ALK: variants seen among roughly 807,000 people sequenced by gnomAD.
The protein encoded by ALK is ALK tyrosine kinase receptor.
A neutral mutation model predicts 163.1 loss-of-function variants in ALK; 74 were observed. That is an observed-to-expected ratio of 0.45 (90% CI 0.38 to 0.55). ALK has a LOEUF of 0.55. ALK is among the 20% of genes least tolerant of loss of function. The pLI is 0.00. For missense variants in ALK, 2,063 were observed against 2,105.3 expected (o/e 0.98, Z 0.39); for synonymous variants, 960 against 843.2 (o/e 1.14, Z -2.40).
intron 11 of ALK, among the ~76,000 whole-genome samples, chr2:29,269,616 C>T (rs562532967): frequency 2.6e-5 from 4 of 152,178 alleles, no homozygotes; most frequent in South Asian, 4.2e-4. Flanking sequence ...GTACTTCCTG[C>T]GTCATCACTA....
At chr2:29,606,031 C>T (rs1416612018) in intron 3 of ALK, among the ~76,000 whole-genome samples, 1 of 152,180 alleles carries the variant, frequency 6.6e-6, no homozygotes. Flanking sequence ...CACCTCCCAC[C>T]CCCACTGCCA....
At chr2:29,457,477 T>G (rs1670983962) in intron 4 of ALK, among the ~76,000 whole-genome samples, 1 of 152,144 alleles carries the variant, frequency 6.6e-6, no homozygotes, top group Admixed American at 6.5e-5. Flanking sequence ...ATGGCCTCTG[T>G]GTATGGACAG....
At chr2:29,253,466 T>C (rs1263611562) in intron 11 of ALK, among the ~76,000 whole-genome samples, 1 of 152,158 alleles carries the variant, frequency 6.6e-6, no homozygotes, top group African/African-American at 2.4e-5. Context: ...ATTTCGCTGC[T>C]AAGTCCCAAA....
chr2:29,821,472 T>C (rs554787689), intron 1 of ALK, among the ~76,000 whole-genome samples: 1 of 152,100 alleles, frequency 6.6e-6, no homozygotes, highest in African/African-American at 2.4e-5. Flanking sequence ...GCACCTGAAT[T>C]TGAGGGCCAA....
intron 1 of ALK, among the ~76,000 whole-genome samples, chr2:29,778,766 T>C (rs1433661251): frequency 6.6e-6 from 1 of 152,038 alleles, no homozygotes; most frequent in African/African-American, 2.4e-5. Context: ...TCCACTCTTA[T>C]AAGGAAAGGG....
chr2:29,919,883 G>A, intron 1 of ALK, 110 bp downstream of exon 1: 2 of 1,340,542 alleles, frequency 1.5e-6, no homozygotes, highest in Non-Finnish European at 2.1e-6. Context: ...GGGCGATGAA[G>A]CAGAGCTGAG....
At chr2:29,487,535 C>T (rs1671805100) in intron 4 of ALK, among the ~76,000 whole-genome samples, 1 of 152,138 alleles carries the variant, frequency 6.6e-6, no homozygotes, top group Admixed American at 6.5e-5. Context: ...GGGGTAGTAC[C>T]CAAAGCATCA....
chr2:29,385,564 A>AT lies in ALK; in HGVS notation c.1155-1706dup, dbSNP rs1367214708. 1.1e-4 allele frequency among the ~76,000 whole-genome samples: 17 copies of AT among 151,708 alleles called. No homozygotes were observed. The East Asian group carries it at 2.1e-3, about 19-fold the overall frequency. On this transcript the variant is annotated intron_variant, in intron 4 of 28. Transcript: ENST00000389048. ...GCCACCACACCTGGATAATTTTTGC[A>AT]TTTTTTTGCAGAGACAGGGTCTCAC... is the stretch of plus-strand genomic sequence containing the variant.
intron 3 of ALK, among the ~76,000 whole-genome samples, chr2:29,591,167 G>C (rs953088926): frequency 1.4e-5 from 2 of 147,744 alleles, no homozygotes; most frequent in Non-Finnish European, 3.0e-5. Context: ...GCTTCAGCAA[G>C]AATCATGGAA....
chr2:29,241,443 C>G (rs1437805611), intron 12 of ALK, among the ~76,000 whole-genome samples: 1 of 151,950 alleles, frequency 6.6e-6, no homozygotes, highest in East Asian at 1.9e-4. Context: ...CTGCAAATCT[C>G]TGGCCAAAAT....
intron 11 of ALK, among the ~76,000 whole-genome samples, chr2:29,257,524 A>T (rs1032707332): frequency 6.6e-6 from 1 of 152,240 alleles, no homozygotes; most frequent in African/African-American, 2.4e-5. Flanking sequence ...ACTGTTGCTA[A>T]ACAATCTCAT....
rs139816190 is a variant in ALK at position 29,883,202 on chromosome 2, G to T, written c.667+36791C>A. The stretch of plus-strand genomic sequence containing the variant: ...AAAAGAAAAGAAGTACAGCATTAAA[G>T]AATCCCTTACTTCCCTGTTAGGCAG... On this transcript the variant is annotated intron_variant, in intron 1 of 28. Transcript: ENST00000389048. 5.0e-3 allele frequency among the ~76,000 whole-genome samples: 757 copies of T among 152,266 alleles called. 9 individuals carry two copies. Among genetic ancestry groups the T allele is most frequent in the African/African-American group, 0.017 (724 of 41,556 alleles).
At chr2:29,348,909 C>T (rs537704925) in intron 5 of ALK, among the ~76,000 whole-genome samples, 37 of 152,350 alleles carry the variant, frequency 2.4e-4, no homozygotes, top group African/African-American at 7.0e-4. Flanking sequence ...TCTGACGACA[C>T]GCTGTCTGAG....
intron 3 of ALK, among the ~76,000 whole-genome samples, chr2:29,678,340 A>C (rs984931326): frequency 6.6e-6 from 1 of 151,762 alleles, no homozygotes; most frequent in African/African-American, 2.4e-5. Context: ...ATGCTTTTAC[A>C]TCGCATGTTT....
intron 1 of ALK, among the ~76,000 whole-genome samples, chr2:29,866,487 C>A (rs141890052): frequency 6.6e-6 from 1 of 152,138 alleles, no homozygotes; most frequent in African/African-American, 2.4e-5. Flanking sequence ...TAAGAGCTGG[C>A]GGGTTTAGCG....
chr2:29,897,782 A>C (rs1166702024), intron 1 of ALK, among the ~76,000 whole-genome samples: 1 of 152,158 alleles, frequency 6.6e-6, no homozygotes, highest in African/African-American at 2.4e-5. Context: ...GGCTTTCCTC[A>C]AATGTCCATG....
intron 8 of ALK, among the ~76,000 whole-genome samples, chr2:29,315,607 G>C (rs545163932): frequency 6.6e-6 from 1 of 152,282 alleles, no homozygotes; most frequent in African/African-American, 2.4e-5. Context: ...TAAAAATGCA[G>C]AGCCCTGGGC....
chr2:29,740,393 G>A (rs1680019562), intron 1 of ALK, among the ~76,000 whole-genome samples: 1 of 151,164 alleles, frequency 6.6e-6, no homozygotes, highest in Non-Finnish European at 1.5e-5. Context: ...ACAAACAGAG[G>A]GTGGTTAGAA....
chr2:29,484,995 C>G (rs1179506236), intron 4 of ALK, among the ~76,000 whole-genome samples: 1 of 152,078 alleles, frequency 6.6e-6, no homozygotes, highest in Non-Finnish European at 1.5e-5. Context: ...TAAAGTTTCA[C>G]TATAATTTGT....
Sources: allele counts gnomAD v4.1 joint callset (sites outside exome capture counted in the v4.1 genomes callset), GRCh38; gene constraint gnomAD v4.1.1; transcripts MANE v1.5; gene names NCBI Gene and HGNC (gene_info 2026-07-23, HGNC 2026-07-21).